Variants in ZNF804A observed in about 807,000 individuals in gnomAD.
ZNF804A encodes the protein zinc finger protein 804A.
A neutral mutation model predicts 16.5 loss-of-function variants in ZNF804A; 2 were observed. The observed-to-expected ratio is 0.12, with a 90% CI of 0.05 to 0.38. The LOEUF is 0.38. Among genes scored for constraint, ZNF804A ranks in the 10% least tolerant of loss-of-function variants. ZNF804A has a pLI of 0.99. For synonymous variants in ZNF804A, 534 were observed against 489.6 expected (o/e 1.09, Z -1.20); for missense variants, 1,473 against 1,390.7 (o/e 1.06, Z -0.94).
chr2:184,875,121 G>A (rs959754694), intron 2 of ZNF804A, among the ~76,000 whole-genome samples: 2 of 152,144 alleles, frequency 1.3e-5, no homozygotes, highest in Non-Finnish European at 2.9e-5. Flanking sequence ...AATGTTTTTG[G>A]ATACTTTTTA....
intron 1 of ZNF804A, among the ~76,000 whole-genome samples, chr2:184,847,246 A>G (rs1295528249): frequency 6.6e-6 from 1 of 152,074 alleles, no homozygotes; most frequent in Non-Finnish European, 1.5e-5. Flanking sequence ...TTTACCTTTG[A>G]TGATGGTGTA....
chr2:184,919,827 A>G (rs1685501956), intron 2 of ZNF804A, among the ~76,000 whole-genome samples: 1 of 152,270 alleles, frequency 6.6e-6, no homozygotes, highest in Admixed American at 6.5e-5. Context: ...TGCAAAAAAG[A>G]ACTGTAGGCT....
intron 2 of ZNF804A, among the ~76,000 whole-genome samples, chr2:184,874,168 T>C (rs1207102655): frequency 6.6e-6 from 1 of 152,110 alleles, no homozygotes; most frequent in Non-Finnish European, 1.5e-5. Flanking sequence ...TTTTCAAGGA[T>C]ACAGACATGA....
At chr2:184,849,258 G>T (rs1695566773) in intron 1 of ZNF804A, among the ~76,000 whole-genome samples, 1 of 151,990 alleles carries the variant, frequency 6.6e-6, no homozygotes, top group Non-Finnish European at 1.5e-5. Context: ...GATTTTGCAA[G>T]CTCCCATACC....
chr2:184,738,230 C>A (rs959435410), intron 1 of ZNF804A, among the ~76,000 whole-genome samples: 2 of 151,052 alleles, frequency 1.3e-5, no homozygotes, highest in African/African-American at 4.9e-5. Flanking sequence ...GCAAGGCAAG[C>A]TGAAAAATAG....
At chr2:184,925,808 C>A (rs555054637) in intron 2 of ZNF804A, among the ~76,000 whole-genome samples, 1 of 152,004 alleles carries the variant, frequency 6.6e-6, no homozygotes, top group East Asian at 1.9e-4. Flanking sequence ...CACAAACAAA[C>A]GTGAGCAAAC....
chr2:184,769,205 A>G (rs1416489464), intron 1 of ZNF804A, among the ~76,000 whole-genome samples: 2 of 152,054 alleles, frequency 1.3e-5, no homozygotes, highest in East Asian at 3.9e-4. Context: ...TCTCTTGGCA[A>G]AGCTCTGTCT....
At chr2:184,630,674 A>T (rs1415107052) in intron 1 of ZNF804A, among the ~76,000 whole-genome samples, 2 of 152,134 alleles carry the variant, frequency 1.3e-5, no homozygotes, top group Admixed American at 6.6e-5. Context: ...GCAACTAATG[A>T]TCCATTCATC....
intron 1 of ZNF804A, among the ~76,000 whole-genome samples, chr2:184,769,249 T>C (rs1694175999): frequency 6.6e-6 from 1 of 152,070 alleles, no homozygotes; most frequent in African/African-American, 2.4e-5. Flanking sequence ...CTGCTGTAAG[T>C]TATGAATCAG....
chr2:184,748,132 T>C (rs930245351), intron 1 of ZNF804A, among the ~76,000 whole-genome samples: 1 of 151,448 alleles, frequency 6.6e-6, no homozygotes, highest in African/African-American at 2.4e-5. Context: ...CTCCTTTGGG[T>C]ATATACCCAA....
At chr2:184,771,446 C>T (rs558425469) in intron 1 of ZNF804A, among the ~76,000 whole-genome samples, 1 of 151,944 alleles carries the variant, frequency 6.6e-6, no homozygotes, top group East Asian at 1.9e-4. Context: ...ATGTCTATTG[C>T]AGTTAAGATG....
intron 2 of ZNF804A, among the ~76,000 whole-genome samples, chr2:184,898,678 A>G (rs1685128657): frequency 6.6e-6 from 1 of 152,074 alleles, no homozygotes; most frequent in Non-Finnish European, 1.5e-5. Flanking sequence ...ATAGAACTTG[A>G]AAATAATTAA....
chr2:184,857,917 A>T (rs889482593), intron 1 of ZNF804A, among the ~76,000 whole-genome samples: 1 of 152,046 alleles, frequency 6.6e-6, no homozygotes. Flanking sequence ...CAGCCACTCT[A>T]TATTTTTGAT....
intron 1 of ZNF804A, among the ~76,000 whole-genome samples, chr2:184,715,599 CT>C (rs1050740675): frequency 6.6e-6 from 1 of 151,992 alleles, no homozygotes; most frequent in Admixed American, 6.6e-5. Flanking sequence ...TGAGGTCCAG[CT>C]ATGTTGCCTA....
Position 184,603,300 on chromosome 2 carries a change from T to G in ZNF804A, c.111+4230T>G, listed in dbSNP as rs539035545. Among the ~76,000 whole-genome samples the G allele has an allele frequency of 9.1e-4, 139 of 152,186 alleles. 4 individuals carry two copies. In the South Asian group the frequency reaches 0.028, roughly 31 times the overall value. ...CTGCTCTTGCTCATTTTGAATCTGT[T>G]AAAAAATATATTCACATCTTTTGAC... On this transcript the variant is annotated intron_variant, in intron 1 of 3. Transcript: ENST00000302277.
At chr2:184,756,739 G>C (rs576224051) in intron 1 of ZNF804A, among the ~76,000 whole-genome samples, 1 of 151,874 alleles carries the variant, frequency 6.6e-6, no homozygotes, top group African/African-American at 2.4e-5. Flanking sequence ...TGTGTGTATA[G>C]GTGTACGAGT....
At chr2:184,674,696 G>T (rs569378827) in intron 1 of ZNF804A, among the ~76,000 whole-genome samples, 80 of 151,806 alleles carry the variant, frequency 5.3e-4, no homozygotes, top group African/African-American at 1.9e-3. Context: ...GAAAAAGAAT[G>T]TTGATTCAAC....
intron 1 of ZNF804A, among the ~76,000 whole-genome samples, chr2:184,610,545 G>A (rs1232414013): frequency 2.0e-5 from 3 of 151,918 alleles, no homozygotes; most frequent in Non-Finnish European, 4.4e-5. Flanking sequence ...CAAAAAGATG[G>A]AATTATATGT....
intron 1 of ZNF804A, among the ~76,000 whole-genome samples, chr2:184,701,351 C>A (rs771030475): frequency 3.3e-5 from 5 of 151,858 alleles, no homozygotes; most frequent in African/African-American, 7.2e-5. Context: ...TAGAAAAAGG[C>A]AATTTTTGGC....
Sources: allele counts gnomAD v4.1 joint callset (sites outside exome capture counted in the v4.1 genomes callset), GRCh38; gene constraint gnomAD v4.1.1; transcripts MANE v1.5; gene names NCBI Gene and HGNC (gene_info 2026-07-23, HGNC 2026-07-21).